Variants in USP28 observed in about 807,000 individuals in gnomAD.
The protein encoded by USP28 is ubiquitin specific peptidase 28, also known as ubiquitin carboxyl-terminal hydrolase 28.
In USP28, 113 loss-of-function variants were observed where a neutral mutation model predicts 145.0. The ratio of observed to expected loss-of-function variants is 0.78; its 90% CI spans 0.67 to 0.91. The LOEUF is 0.91. USP28 is among the 40% of genes least tolerant of loss of function. USP28 has a pLI of 0.00. For synonymous variants in USP28, 447 were observed against 450.9 expected (o/e 0.99, Z 0.11); for missense variants, 1,201 against 1,289.6 (o/e 0.93, Z 1.05).
intron 16 of USP28, among the ~76,000 whole-genome samples, chr11:113,811,973 G>A (rs1366146273): frequency 6.6e-6 from 1 of 152,106 alleles, no homozygotes; most frequent in Non-Finnish European, 1.5e-5. Flanking sequence ...AATCTACTTG[G>A]GGAAAAGGGG....
intron 1 of USP28, among the ~76,000 whole-genome samples, chr11:113,855,870 C>G (rs914148187): frequency 1.3e-5 from 2 of 152,194 alleles, no homozygotes; most frequent in African/African-American, 4.8e-5. Context: ...AAGATCGCGG[C>G]ATTGCAACTC....
chr11:113,809,264 A>G lies in USP28; in HGVS notation c.1973-10T>C, dbSNP rs2135344186. On this transcript the variant is annotated splice_polypyrimidine_tract_variant and intron_variant, in intron 16 of 24. Coordinates refer to ENST00000003302, the Ensembl canonical transcript of USP28. ...TCAGTTGGGGCTGCCTCTGAGGAAA[A>G]GCAAAGATAGAGTTAAAAGGTCACA... 6.2e-7 allele frequency: 1 copy of G among 1,611,850 alleles called. No homozygotes were observed. The highest frequency in any genetic ancestry group is 8.5e-7 in the Non-Finnish European group (1 of 1,178,418).
chr11:113,799,120 G>T (rs535542025), exon 25 of USP28: 7 of 1,119,040 alleles, frequency 6.3e-6, no homozygotes. Flanking sequence ...CATGGTTGGG[G>T]TCTGATCGGA....
chr11:113,856,269 T>C (rs775879617), intron 1 of USP28, among the ~76,000 whole-genome samples: 3 of 152,100 alleles, frequency 2.0e-5, no homozygotes, highest in Non-Finnish European at 4.4e-5. Context: ...AACATCAATA[T>C]ACCCAAAAAA....
At chr11:113,851,409 C>T (rs1353093325) in intron 3 of USP28, among the ~76,000 whole-genome samples, 1 of 152,188 alleles carries the variant, frequency 6.6e-6, no homozygotes, top group Non-Finnish European at 1.5e-5. Context: ...AGCCTTAGCC[C>T]TGGCCTCCTT....
intron 11 of USP28, among the ~76,000 whole-genome samples, chr11:113,824,902 G>A (rs1943116531): frequency 6.9e-6 from 1 of 144,762 alleles, no homozygotes; most frequent in South Asian, 2.2e-4. Flanking sequence ...TTGCACTCCA[G>A]CCTGGGCAAC....
chr11:113,806,957 G>A (rs748310501), intron 18 of USP28, among the ~76,000 whole-genome samples: 2 of 152,102 alleles, frequency 1.3e-5, no homozygotes, highest in Admixed American at 6.5e-5. Flanking sequence ...TACTTTGGGT[G>A]TATATCTTAA....
chr11:113,822,501 A>AGAGAGAGAGAGAGAGC (rs55941883), intron 12 of USP28: 1 of 116,062 alleles, frequency 8.6e-6, no homozygotes, highest in African/African-American at 3.1e-5. Context: ...AGAGAGAGAG[A>AGAGAGAGAGAGAGAGC]TGGGGTCTCA....
chr11:113,842,174 C>T (rs756187628), intron 3 of USP28, among the ~76,000 whole-genome samples: 9 of 151,372 alleles, frequency 5.9e-5, no homozygotes, highest in Non-Finnish European at 1.3e-4. Flanking sequence ...TAGTTAAGAA[C>T]GGTAAGAGAA....
chr11:113,826,337 ATTTTTTTTTTT>A (rs71063527), intron 11 of USP28, among the ~76,000 whole-genome samples: 5 of 50,736 alleles, frequency 9.9e-5, no homozygotes, highest in African/African-American at 1.5e-4. Flanking sequence ...CACCACACCC[ATTTTTTTTTTT>A]TTTTTTTTTT....
intron 5 of USP28, 116 bp downstream of exon 5, chr11:113,840,482 C>A: frequency 3.0e-6 from 4 of 1,330,818 alleles, no homozygotes; most frequent in Non-Finnish European, 4.0e-6. Context: ...GCCAGAAAAA[C>A]TCCCCTAATT....
At chr11:113,864,279 C>T (rs1278917908) in intron 1 of USP28, among the ~76,000 whole-genome samples, 1 of 152,070 alleles carries the variant, frequency 6.6e-6, no homozygotes, top group African/African-American at 2.4e-5. Context: ...AAGTTAAAGA[C>T]CTAAATAAAT....
At chr11:113,802,143 G>T (rs1221407888) in intron 23 of USP28, among the ~76,000 whole-genome samples, 1 of 152,122 alleles carries the variant, frequency 6.6e-6, no homozygotes, top group Non-Finnish European at 1.5e-5. Flanking sequence ...CTAGGGGTTG[G>T]GACTCAATAA....
exon 4 of USP28, chr11:113,841,755 A>G (rs571652873): frequency 1.1e-4 from 172 of 1,612,496 alleles, no homozygotes; most frequent in Admixed American, 7.0e-4. Flanking sequence ...TATCATGAGT[A>G]AGGTCTATAA....
At chr11:113,870,972 T>C (rs1948750382) in intron 1 of USP28, among the ~76,000 whole-genome samples, 1 of 152,164 alleles carries the variant, frequency 6.6e-6, no homozygotes, top group Non-Finnish European at 1.5e-5. Context: ...AGAGGACAAG[T>C]GCACGGTAAA....
chr11:113,815,825 G>A (rs547474602), intron 13 of USP28, among the ~76,000 whole-genome samples: 9 of 152,234 alleles, frequency 5.9e-5, no homozygotes, highest in Admixed American at 5.9e-4. Context: ...CAACTAAAGT[G>A]ACACTATCCT....
intron 13 of USP28, 78 bp downstream of exon 13, chr11:113,817,580 C>A (rs1256961167): frequency 1.3e-6 from 2 of 1,492,626 alleles, no homozygotes; most frequent in South Asian, 1.3e-5. Flanking sequence ...GACTGTCAAT[C>A]AAGTACAAAG....
At chr11:113,838,582 G>A (rs1324604845) in intron 5 of USP28, among the ~76,000 whole-genome samples, 1 of 152,162 alleles carries the variant, frequency 6.6e-6, no homozygotes, top group African/African-American at 2.4e-5. Flanking sequence ...TGTCTGAAAT[G>A]TTCCCTATGT....
At chr11:113,835,767 G>A (rs570632294) in intron 5 of USP28, among the ~76,000 whole-genome samples, 4 of 152,306 alleles carry the variant, frequency 2.6e-5, no homozygotes, top group East Asian at 1.9e-4. Context: ...CAGGAAAATC[G>A]GGCTTTGCCA....
Sources: allele counts gnomAD v4.1 joint callset (sites outside exome capture counted in the v4.1 genomes callset), GRCh38; gene constraint gnomAD v4.1.1; transcripts MANE v1.5; gene names NCBI Gene and HGNC (gene_info 2026-07-23, HGNC 2026-07-21).